Variants in KIAA1217 observed in about 807,000 individuals in gnomAD.
KIAA1217 encodes sickle tail protein homolog.
In KIAA1217, 88 loss-of-function variants were observed where a neutral mutation model predicts 163.9. The ratio of observed to expected loss-of-function variants is 0.54; its 90% CI spans 0.45 to 0.64. The LOEUF is 0.64. KIAA1217 is among the 30% of genes least tolerant of loss of function. The pLI, the probability that KIAA1217 is intolerant of heterozygous loss-of-function variation, is 0.00. For synonymous variants in KIAA1217, 903 were observed against 923.1 expected (o/e 0.98, Z 0.39); for missense variants, 2,372 against 2,475.0 (o/e 0.96, Z 0.88).
At chr10:23,698,069 T>A (rs986824394) in intron 1 of KIAA1217, among the ~76,000 whole-genome samples, 1 of 152,232 alleles carries the variant, frequency 6.6e-6, no homozygotes, top group African/African-American at 2.4e-5. Context: ...TTATTTTCTC[T>A]ACTTACAAAA....
intron 1 of KIAA1217, among the ~76,000 whole-genome samples, chr10:23,882,206 A>G (rs1446295047): frequency 6.6e-6 from 1 of 151,978 alleles, no homozygotes; most frequent in African/African-American, 2.4e-5. Context: ...ATTCTCATAT[A>G]TACCTCATTG....
intron 3 of KIAA1217, among the ~76,000 whole-genome samples, chr10:24,428,050 A>AT (rs72213769): frequency 3.3e-5 from 5 of 151,876 alleles, no homozygotes; most frequent in African/African-American, 4.8e-5. Context: ...GTTTAGGCCC[A>AT]TTTTTTTTCC....
At chr10:23,958,531 A>G (rs1159100200) in intron 1 of KIAA1217, among the ~76,000 whole-genome samples, 1 of 152,238 alleles carries the variant, frequency 6.6e-6, no homozygotes, top group Admixed American at 6.5e-5. Flanking sequence ...GCACAAAGCA[A>G]GGTTTCTTTG....
chr10:23,903,019 T>A (rs1842015770), intron 1 of KIAA1217, among the ~76,000 whole-genome samples: 1 of 152,080 alleles, frequency 6.6e-6, no homozygotes, highest in African/African-American at 2.4e-5. Context: ...AGTGAACACC[T>A]TTTAGCTCCT....
intron 10 of KIAA1217, among the ~76,000 whole-genome samples, chr10:24,516,710 G>A (rs2134385231): frequency 6.6e-6 from 1 of 152,294 alleles, no homozygotes; most frequent in South Asian, 2.1e-4. Context: ...CAGTGACTAG[G>A]AGACCATATG....
Position 24,361,996 on chromosome 10 carries a change from A to G in KIAA1217, c.355-18873A>G, listed in dbSNP as rs868626361. Among the ~76,000 whole-genome samples, 976 of 151,870 alleles carry G rather than the reference A, an allele frequency of 6.4e-3. 22 individuals are homozygous for G. The highest frequency in any genetic ancestry group is 0.023 in the African/African-American group (945 of 41,474). On this transcript the variant is annotated intron_variant, in intron 2 of 20. Coordinates refer to ENST00000376454, the MANE Select transcript of KIAA1217 (RefSeq NM_019590.5). ...AGACTCTGTCTCAAAAAAAAAAAAA[A>G]AAAAAAAAGAAAGAAAGAAAAAGAA...
intron 2 of KIAA1217, among the ~76,000 whole-genome samples, chr10:24,296,985 C>G (rs1436227591): frequency 2.0e-5 from 3 of 152,234 alleles, no homozygotes; most frequent in African/African-American, 7.2e-5. Context: ...CTCTCACTTA[C>G]TTGATACCAA....
intron 1 of KIAA1217, among the ~76,000 whole-genome samples, chr10:24,212,804 A>C (rs980478542): frequency 5.3e-5 from 8 of 152,158 alleles, no homozygotes; most frequent in Non-Finnish European, 2.9e-5. Flanking sequence ...ACCATGTTTT[A>C]TTTATTCACG....
At chr10:23,802,952 G>A (rs989239074) in intron 1 of KIAA1217, among the ~76,000 whole-genome samples, 6 of 152,250 alleles carry the variant, frequency 3.9e-5, no homozygotes, top group African/African-American at 1.4e-4. Context: ...ATCTTTGCAT[G>A]GGTAATATAA....
At chr10:23,997,890 G>A (rs1846560743) in intron 1 of KIAA1217, among the ~76,000 whole-genome samples, 1 of 152,122 alleles carries the variant, frequency 6.6e-6, no homozygotes, top group Non-Finnish European at 1.5e-5. Flanking sequence ...GAAGGGCACA[G>A]CCATGCCTAT....
intron 6 of KIAA1217, among the ~76,000 whole-genome samples, chr10:24,489,004 A>G (rs968724806): frequency 6.6e-6 from 1 of 151,996 alleles, no homozygotes; most frequent in Non-Finnish European, 1.5e-5. Context: ...TTGTTGATTG[A>G]CTCTTTGGCC....
At chr10:23,725,448 C>A (rs574376856) in intron 1 of KIAA1217, among the ~76,000 whole-genome samples, 1 of 152,194 alleles carries the variant, frequency 6.6e-6, no homozygotes, top group African/African-American at 2.4e-5. Flanking sequence ...AATTATACTT[C>A]CCCCATCCTT....
intron 1 of KIAA1217, among the ~76,000 whole-genome samples, chr10:23,746,141 G>C (rs940082568): frequency 6.6e-6 from 1 of 152,140 alleles, no homozygotes; most frequent in Non-Finnish European, 1.5e-5. Flanking sequence ...TGAATGGCTT[G>C]GTGCCATCCA....
At chr10:24,463,215 C>G (rs377501035) in intron 5 of KIAA1217, among the ~76,000 whole-genome samples, 1 of 152,126 alleles carries the variant, frequency 6.6e-6, no homozygotes, top group African/African-American at 2.4e-5. Context: ...GGCTTGGAAG[C>G]GAAATGATTT....
chr10:24,137,870 G>C (rs2063894832), intron 2 of KIAA1217, among the ~76,000 whole-genome samples: 1 of 152,094 alleles, frequency 6.6e-6, no homozygotes. Context: ...GGGTTTAGGT[G>C]GACATGTGAG....
chr10:23,700,381 A>C (rs1008710197), intron 1 of KIAA1217, among the ~76,000 whole-genome samples: 2 of 152,176 alleles, frequency 1.3e-5, no homozygotes, highest in Admixed American at 1.3e-4. Flanking sequence ...CTCTGCTTCC[A>C]TCCTTGTACC....
At position 24,473,166 on chromosome 10, in the gene KIAA1217, T is replaced by C. The variant is rs2063707970; in HGVS notation, c.847-62T>C. 1.4e-5 allele frequency: 17 copies of C among 1,207,438 alleles called. No individual in the cohort carries two copies. The South Asian group carries it at 2.1e-4, about 15-fold the overall frequency. The allele number at this position is 1,207,438 out of a possible 1,614,324, so 74.8% of individuals were successfully genotyped here. A position where few individuals can be genotyped will look rare whatever the true frequency, so the allele number is the denominator to read the frequency against. ...CAGGGGAAGTCACACGGTTACACAC[T>C]GAGACTTCTCTTGAAACACGAATAT... On this transcript the variant is annotated intron_variant, in intron 5 of 20. Transcript: ENST00000376454.
At chr10:24,396,227 G>A (rs1199361136) in intron 3 of KIAA1217, among the ~76,000 whole-genome samples, 1 of 152,000 alleles carries the variant, frequency 6.6e-6, no homozygotes, top group Non-Finnish European at 1.5e-5. Context: ...ATCCCAACTA[G>A]TCGGGAGGCT....
chr10:24,243,714 T>C (rs10828622), intron 2 of KIAA1217, among the ~76,000 whole-genome samples: 2,562 of 151,852 alleles, frequency 0.017, 79 homozygotes, highest in African/African-American at 0.059. Flanking sequence ...CGAATGAATA[T>C]ATATGTGTGT....
Sources: allele counts gnomAD v4.1 joint callset (sites outside exome capture counted in the v4.1 genomes callset), GRCh38; gene constraint gnomAD v4.1.1; transcripts MANE v1.5; gene names NCBI Gene and HGNC (gene_info 2026-07-23, HGNC 2026-07-21).